Variants in PRDM16 observed in about 807,000 individuals in gnomAD.
PRDM16 encodes the protein histone-lysine N-methyltransferase PRDM16.
PRDM16 carries 23 observed loss-of-function variants against 110.6 expected under a neutral mutation model. The ratio of observed to expected loss-of-function variants is 0.21; its 90% CI spans 0.15 to 0.29. The LOEUF (loss-of-function observed/expected upper bound fraction) is 0.29. PRDM16 is among the 10% of genes least tolerant of loss of function. The pLI, the probability that PRDM16 is intolerant of heterozygous loss-of-function variation, is 1.00. For missense variants in PRDM16, 1,615 were observed against 1,794.3 expected (o/e 0.90, Z 1.81); for synonymous variants, 799 against 781.8 (o/e 1.02, Z -0.37).
chr1:3,255,960 C>T lies in PRDM16; in HGVS notation c.438+11823C>T, dbSNP rs1387492925. Among the ~76,000 whole-genome samples, 8 of 152,246 alleles carry T rather than the reference C, an allele frequency of 5.3e-5. No homozygotes were observed. The highest frequency in any genetic ancestry group is 2.1e-4 in the South Asian group (1 of 4,816). ...GCCACACCAACAGTACAGGGTGGAA[C>T]GAGCTCCGCCTCTCAGGGGAGGGAC... On this transcript the variant is annotated intron_variant, in intron 3 of 16. Transcript: ENST00000270722. The surrounding 1 kb of genome is among the most constrained non-coding windows in gnomAD (Gnocchi z 4.7).
intron 3 of PRDM16, among the ~76,000 whole-genome samples, chr1:3,324,849 C>T (rs1194180597): frequency 6.6e-6 from 1 of 152,038 alleles, no homozygotes; most frequent in East Asian, 1.9e-4. Flanking sequence ...CACATCTGAC[C>T]CTCCCTTGTG....
intron 5 of PRDM16, among the ~76,000 whole-genome samples, chr1:3,402,477 C>A (rs1389178511): frequency 6.6e-6 from 1 of 152,250 alleles, no homozygotes; most frequent in African/African-American, 2.4e-5. Context: ...CACTCCCGAG[C>A]GGGGCCTTCT....
chr1:3,432,432 C>T (rs886436065), intron 16 of PRDM16, among the ~76,000 whole-genome samples: 2 of 152,224 alleles, frequency 1.3e-5, no homozygotes, highest in Admixed American at 1.3e-4. Context: ...GGTCTGTGAG[C>T]AGGTTTCTGG....
intron 2 of PRDM16, among the ~76,000 whole-genome samples, chr1:3,234,653 C>G (rs1302254902): frequency 6.6e-6 from 1 of 152,238 alleles, no homozygotes; most frequent in African/African-American, 2.4e-5. Flanking sequence ...CCAGTCCCCA[C>G]CCTCCACCCA....
intron 1 of PRDM16, among the ~76,000 whole-genome samples, chr1:3,113,412 G>A (rs1642840123): frequency 6.6e-6 from 1 of 152,036 alleles, no homozygotes; most frequent in Non-Finnish European, 1.5e-5. Flanking sequence ...GGCAGGGGAG[G>A]GCGTGGGGAT....
intron 1 of PRDM16, among the ~76,000 whole-genome samples, chr1:3,153,989 A>G (rs1367277788): frequency 1.3e-5 from 2 of 152,202 alleles, no homozygotes; most frequent in African/African-American, 4.8e-5. Flanking sequence ...CAGCTTCTGA[A>G]GCAATTAGGC....
intron 3 of PRDM16, among the ~76,000 whole-genome samples, chr1:3,373,263 T>C (rs961887466): frequency 1.3e-5 from 2 of 152,108 alleles, no homozygotes; most frequent in Non-Finnish European, 2.9e-5. Context: ...TGCCAGAGCA[T>C]TCACACCCAG....
chr1:3,121,051 C>A (rs967768942), intron 1 of PRDM16, among the ~76,000 whole-genome samples: 4 of 152,204 alleles, frequency 2.6e-5, no homozygotes, highest in Non-Finnish European at 4.4e-5. Flanking sequence ...GTTTCTCCCC[C>A]TTTCTTTCTG....
chr1:3,095,972 G>A (rs1334949644), intron 1 of PRDM16, among the ~76,000 whole-genome samples: 1 of 152,036 alleles, frequency 6.6e-6, no homozygotes, highest in African/African-American at 2.4e-5. Context: ...CTCCCTCCCT[G>A]TCTCTCCTCC....
rs191748919 is a variant in PRDM16, at chr1:3,432,721, C to T, written c.3696+581C>T. Among the ~76,000 whole-genome samples, 18 of 152,300 alleles carry T rather than the reference C, an allele frequency of 1.2e-4. No individual in the cohort carries two copies. In the East Asian group the frequency reaches 2.1e-3, roughly 18 times the overall value. ...ACAGCCCTCCCAGAGGGAACAGGCC[C>T]GCCCCAGGTCTCAGCAAAAGCCGTC... On this transcript the variant is annotated intron_variant, in intron 16 of 16. Coordinates refer to ENST00000270722, the MANE Select transcript of PRDM16 (RefSeq NM_022114.4).
intron 1 of PRDM16, among the ~76,000 whole-genome samples, chr1:3,141,721 G>A (rs1438984095): frequency 1.3e-5 from 2 of 152,208 alleles, no homozygotes; most frequent in Non-Finnish European, 1.5e-5. Context: ...GTTGTGCTTT[G>A]CCAGTCTTGA....
intron 1 of PRDM16, among the ~76,000 whole-genome samples, chr1:3,107,528 G>T (rs1009140308): frequency 3.9e-5 from 6 of 152,178 alleles, no homozygotes; most frequent in Non-Finnish European, 7.3e-5. Flanking sequence ...GGGAGCCTGC[G>T]GATCTCCTTA....
At chr1:3,202,601 C>T (rs528076055) in intron 2 of PRDM16, among the ~76,000 whole-genome samples, 17 of 152,306 alleles carry the variant, frequency 1.1e-4, no homozygotes, top group South Asian at 4.1e-4. Flanking sequence ...TGGTGTGTGC[C>T]GTCTAAAGGT....
chr1:3,256,993 T>C (rs1640064541), intron 3 of PRDM16, among the ~76,000 whole-genome samples: 1 of 152,248 alleles, frequency 6.6e-6, no homozygotes, highest in South Asian at 2.1e-4. Context: ...TGAATGATAA[T>C]ATGCCTTATT....
Position 3,425,962 on chromosome 1 carries a change from C to A in PRDM16, c.3110-89C>A. On this transcript the variant is annotated intron_variant, in intron 13 of 16. Transcript: ENST00000270722. This position sits in a 1 kb window ranked among gnomAD's most constrained non-coding sequence, Gnocchi z 6.9. ...AAGAAACCTGCCTCCCTAACAGCACCCCAGGTGTACCCCGTTCGCGGTTGG... is the reference window on the plus strand; with the variant it reads ...AAGAAACCTGCCTCCCTAACAGCACACCAGGTGTACCCCGTTCGCGGTTGG... 1 of 1,436,334 alleles carries A rather than the reference C, an allele frequency of 7.0e-7. No homozygotes were observed. Among genetic ancestry groups the A allele is most frequent in the Non-Finnish European group, 9.4e-7 (1 of 1,066,304 alleles). 89.0% of individuals were successfully genotyped at this position (1,436,334 alleles called of 1,614,324 possible).
rs1372285290 is a variant in PRDM16, at chr1:3,143,303, G to A, written c.38-42822G>A. On this transcript the variant is annotated intron_variant, in intron 1 of 16. Transcript: ENST00000270722. This position sits in a 1 kb window ranked among gnomAD's most constrained non-coding sequence, Gnocchi z 4.5. Reference sequence around the variant, plus strand: ...GACATGGGTCCGGGCTGAGGACTTCGTCAGGTGTCAGGACTCGGGACAGCA... The same window carrying A: ...GACATGGGTCCGGGCTGAGGACTTCATCAGGTGTCAGGACTCGGGACAGCA... Among the ~76,000 whole-genome samples, 2 of 152,196 alleles carry A rather than the reference G, an allele frequency of 1.3e-5. No individual in the cohort carries two copies. The highest frequency in any genetic ancestry group is 1.9e-4 in the East Asian group (1 of 5,166).
intron 12 of PRDM16, among the ~76,000 whole-genome samples, chr1:3,420,037 A>C (rs1638385041): frequency 6.6e-6 from 1 of 151,940 alleles, no homozygotes; most frequent in East Asian, 1.9e-4. Flanking sequence ...TTTTTTCTGT[A>C]ATGAGAGCCG....
At chr1:3,362,909 G>A (rs1187288192) in intron 3 of PRDM16, among the ~76,000 whole-genome samples, 1 of 152,166 alleles carries the variant, frequency 6.6e-6, no homozygotes, top group Non-Finnish European at 1.5e-5. Flanking sequence ...AACTGTTCGG[G>A]GTTCACACAG....
At chr1:3,144,932 C>T (rs1643617289) in intron 1 of PRDM16, among the ~76,000 whole-genome samples, 5 of 152,206 alleles carry the variant, frequency 3.3e-5, no homozygotes, top group Admixed American at 3.3e-4. Flanking sequence ...TCCCACCTCC[C>T]AGTGAACCCC....
Sources: gnomAD v4.1 joint callset for allele counts (sites outside exome capture counted in the v4.1 genomes callset) on GRCh38, gnomAD v4.1.1 for gene constraint, Gnocchi (gnomAD v3.1) non-coding constraint, MANE v1.5 for transcripts, NCBI Gene and HGNC (gene_info 2026-07-23, HGNC 2026-07-21) for gene names.